The following MAPK10 variants were observed in gnomAD, a reference collection of about 807,000 sequenced individuals.
MAPK10 encodes the protein mitogen-activated protein kinase 10.
Under a neutral mutation model 59.3 loss-of-function variants are expected in MAPK10, and 25 were observed. That is an observed-to-expected ratio of 0.42 (90% CI 0.31 to 0.59). The LOEUF (loss-of-function observed/expected upper bound fraction) is 0.59, where lower values mean the gene tolerates loss of function less well. Among genes scored for constraint, MAPK10 ranks in the 20% least tolerant of loss-of-function variants. The pLI is 0.15. For missense variants in MAPK10, 351 were observed against 568.9 expected, an observed-to-expected ratio of 0.62 and a Z score of 3.90; for synonymous variants, 190 against 200.5, an observed-to-expected ratio of 0.95 and a Z score of 0.44.
intron 3 of MAPK10, among the ~76,000 whole-genome samples, chr4:86,185,890 G>A (rs540530442): frequency 1.2e-3 from 177 of 152,152 alleles, no homozygotes; most frequent in Admixed American, 3.9e-3. Context: ...TTTGGAATGC[G>A]TACAGTCTGA....
chr4:86,091,532 C>G (rs543184111), intron 9 of MAPK10: 1 of 125,512 alleles, frequency 8.0e-6, no homozygotes, highest in Non-Finnish European at 1.7e-5. Flanking sequence ...GCTAAAATCC[C>G]TTGATTTTTT....
intron 2 of MAPK10, among the ~76,000 whole-genome samples, chr4:86,209,577 T>C (rs959317681): frequency 3.9e-5 from 6 of 152,140 alleles, no homozygotes; most frequent in Non-Finnish European, 8.8e-5. Context: ...GTTATCATAT[T>C]AGTAGATTCA....
Position 86,070,661 on chromosome 4 carries a change from A to G in MAPK10, c.803-2706T>C, listed in dbSNP as rs1479563223. Among the ~76,000 whole-genome samples, 45 of 149,994 alleles carry G rather than the reference A, an allele frequency of 3.0e-4. 1 individual carries two copies. The highest frequency in any genetic ancestry group is 2.4e-3 in the Admixed American group (35 of 14,862). On this transcript the variant is annotated intron_variant, in intron 9 of 13. Transcript: ENST00000641462. Reference sequence around the variant, plus strand: ...GCGGTGTTTGGTTTTTTGTTCTTGCAATAGTTTACTGAGAATGATGATTTC... The same window carrying G: ...GCGGTGTTTGGTTTTTTGTTCTTGCGATAGTTTACTGAGAATGATGATTTC...
chr4:86,182,448 C>T (rs17011428), intron 3 of MAPK10, among the ~76,000 whole-genome samples: 12,905 of 152,088 alleles, frequency 0.085, 1,214 homozygotes, highest in African/African-American at 0.23. Context: ...ATTCTGGACA[C>T]AGTTAATCAT....
At chr4:86,319,748 G>A (rs919299419) in intron 2 of MAPK10, among the ~76,000 whole-genome samples, 1 of 152,240 alleles carries the variant, frequency 6.6e-6, no homozygotes, top group Middle Eastern at 3.4e-3. Context: ...TGTCCCCAGG[G>A]GCAATCTTCA....
intron 3 of MAPK10, chr4:86,171,144 C>T (rs1001937820): frequency 4.6e-5 from 7 of 151,598 alleles, no homozygotes; most frequent in African/African-American, 1.7e-4. Flanking sequence ...AATTGACACC[C>T]TAACATCACA....
At chr4:86,324,234 T>C (rs2095969547) in intron 2 of MAPK10, among the ~76,000 whole-genome samples, 2 of 151,856 alleles carry the variant, frequency 1.3e-5, no homozygotes, top group Admixed American at 1.3e-4. Flanking sequence ...TGGAGAAACC[T>C]CCTCTCTACT....
At chr4:86,576,162 T>C (rs1251703279) in intron 1 of MAPK10, among the ~76,000 whole-genome samples, 1 of 152,030 alleles carries the variant, frequency 6.6e-6, no homozygotes, top group East Asian at 1.9e-4. Context: ...CAGGTAATAC[T>C]GTATGTTTTT....
At chr4:86,237,565 G>A (rs892445732) in intron 2 of MAPK10, among the ~76,000 whole-genome samples, 1 of 152,094 alleles carries the variant, frequency 6.6e-6, no homozygotes, top group African/African-American at 2.4e-5. Context: ...CTGTGAGATG[G>A]TATCTCATTG....
chr4:86,358,389 C>G, intron 1 of MAPK10: 1 of 985,272 alleles, frequency 1.0e-6, no homozygotes, highest in East Asian at 1.1e-4. Context: ...GTTTTCCTTC[C>G]ACCTGAACTG....
intron 4 of MAPK10, among the ~76,000 whole-genome samples, chr4:86,109,391 C>T (rs28709251): frequency 0.014 from 2,075 of 152,264 alleles, 23 homozygotes; most frequent in East Asian, 0.057. Flanking sequence ...TCCTCTGCTT[C>T]CTGGCCCCAA....
chr4:86,076,590 T>C (rs1356581583), intron 9 of MAPK10, among the ~76,000 whole-genome samples: 2 of 152,244 alleles, frequency 1.3e-5, no homozygotes, highest in Non-Finnish European at 2.9e-5. Context: ...TGGTGTGTTT[T>C]GTCACAAGCA....
intron 1 of MAPK10, among the ~76,000 whole-genome samples, chr4:86,458,847 T>A (rs1422912522): frequency 6.6e-6 from 1 of 152,200 alleles, no homozygotes. Context: ...CTTCTAGACA[T>A]TGGCTCAGGC....
At chr4:86,549,300 T>A in intron 1 of MAPK10, among the ~76,000 whole-genome samples, 1 of 152,198 alleles carries the variant, frequency 6.6e-6, no homozygotes, top group Non-Finnish European at 1.5e-5. Context: ...CTGAACATCA[T>A]AGAGAGTACT....
chr4:86,438,021 T>C (rs1564868424), intron 1 of MAPK10, among the ~76,000 whole-genome samples: 1 of 152,204 alleles, frequency 6.6e-6, no homozygotes, highest in African/African-American at 2.4e-5. Context: ...GCCACTTATA[T>C]AAAGTTCAGA....
At chr4:86,060,214 T>G (rs951184628) in intron 11 of MAPK10, among the ~76,000 whole-genome samples, 4 of 152,220 alleles carry the variant, frequency 2.6e-5, no homozygotes, top group African/African-American at 7.2e-5. Context: ...CATATGTTTG[T>G]ACTAGGCTTC....
intron 1 of MAPK10, among the ~76,000 whole-genome samples, chr4:86,494,842 CAAAAAAAAAAAAAAAAAAAAAAAAAA>C (rs567947232): frequency 2.1e-4 from 5 of 23,988 alleles, no homozygotes; most frequent in East Asian, 1.3e-3. Flanking sequence ...GACTCCGTCT[CAAAAAAAAAAAAAAAAAAAAAAAAAA>C]AAAAAAAAAA....
At chr4:86,172,242 A>C (rs1253862409) in intron 3 of MAPK10, among the ~76,000 whole-genome samples, 1 of 141,656 alleles carries the variant, frequency 7.1e-6, no homozygotes, top group Non-Finnish European at 1.5e-5. Flanking sequence ...CCAAAGGACT[A>C]TAAATCATGG....
intron 1 of MAPK10, among the ~76,000 whole-genome samples, chr4:86,548,406 A>C (rs1429784811): frequency 6.6e-6 from 1 of 152,178 alleles, no homozygotes; most frequent in Non-Finnish European, 1.5e-5. Flanking sequence ...TTCATTCCTG[A>C]AGTCAGTGAG....
Sources: gnomAD v4.1 joint callset for allele counts (sites outside exome capture counted in the v4.1 genomes callset) on GRCh38, gnomAD v4.1.1 for gene constraint, MANE v1.5 for transcripts, NCBI Gene and HGNC (gene_info 2026-07-23, HGNC 2026-07-21) for gene names.